Variants in TNIK observed in about 807,000 individuals in gnomAD.
The protein encoded by TNIK is TRAF2 and NCK interacting kinase.
A neutral mutation model predicts 191.3 loss-of-function variants in TNIK; 49 were observed. The observed-to-expected ratio is 0.26, with a 90% CI of 0.20 to 0.32. The LOEUF is 0.32. Ranked by LOEUF, TNIK falls within the 10% of genes least tolerant of loss-of-function variation. TNIK has a pLI of 1.00. For synonymous variants in TNIK, 594 were observed against 600.9 expected (o/e 0.99, Z 0.17); for missense variants, 1,155 against 1,702.3 (o/e 0.68, Z 5.66).
intron 28 of TNIK, among the ~76,000 whole-genome samples, chr3:171,072,981 A>C (rs2108328857): frequency 6.6e-6 from 1 of 152,324 alleles, no homozygotes; most frequent in South Asian, 2.1e-4. Context: ...ATATTGTTAA[A>C]GTGACTATAC....
chr3:171,079,227 G>A (rs1720372910), intron 28 of TNIK, among the ~76,000 whole-genome samples: 1 of 152,116 alleles, frequency 6.6e-6, no homozygotes, highest in South Asian at 2.1e-4. Flanking sequence ...TGGTCCCACT[G>A]TCCTCATAGG....
intron 2 of TNIK, among the ~76,000 whole-genome samples, chr3:171,319,314 G>T (rs1048725240): frequency 1.3e-5 from 2 of 152,136 alleles, no homozygotes; most frequent in Admixed American, 1.3e-4. Context: ...TATAGAAAAT[G>T]TTTATATTGT....
intron 1 of TNIK, among the ~76,000 whole-genome samples, chr3:171,410,437 G>C (rs1480663715): frequency 6.6e-6 from 1 of 152,116 alleles, no homozygotes; most frequent in Non-Finnish European, 1.5e-5. Flanking sequence ...TCAGCTCCTT[G>C]CATGGCAGCT....
At chr3:171,350,595 TAAA>T (rs71178208) in intron 2 of TNIK, among the ~76,000 whole-genome samples, 222 of 97,994 alleles carry the variant, frequency 2.3e-3, no homozygotes, top group East Asian at 8.5e-3. Context: ...GCTCTGTTGC[TAAA>T]AAAAAAAAAA....
At chr3:171,084,351 C>T in intron 25 of TNIK, 26 bp from the exon 26 acceptor site, 4 of 1,601,266 alleles carry the variant, frequency 2.5e-6, no homozygotes, top group Non-Finnish European at 3.4e-6. Context: ...TCAGAGAAGT[C>T]AGTGACATCT....
chr3:171,373,875 G>C (rs1487502058), intron 1 of TNIK, among the ~76,000 whole-genome samples: 1 of 152,126 alleles, frequency 6.6e-6, no homozygotes, highest in Non-Finnish European at 1.5e-5. Context: ...CAGCGTCACT[G>C]CCTCTCTCTC....
chr3:171,167,975 T>C (rs1398305957), intron 9 of TNIK, among the ~76,000 whole-genome samples: 1 of 152,224 alleles, frequency 6.6e-6, no homozygotes, highest in African/African-American at 2.4e-5. Context: ...GACATTTAAC[T>C]TTAAAGAATT....
intron 4 of TNIK, among the ~76,000 whole-genome samples, chr3:171,197,010 C>T (rs1738774992): frequency 6.6e-6 from 1 of 152,216 alleles, no homozygotes; most frequent in Non-Finnish European, 1.5e-5. Context: ...CCGCCTCGGC[C>T]TCCCAAAGTG....
At chr3:171,262,121 G>A (rs1035180924) in intron 2 of TNIK, among the ~76,000 whole-genome samples, 2 of 152,298 alleles carry the variant, frequency 1.3e-5, no homozygotes, top group South Asian at 4.1e-4. Flanking sequence ...TCACAACTGT[G>A]CTGATGAACC....
intron 15 of TNIK, among the ~76,000 whole-genome samples, chr3:171,132,295 TC>T (rs1159052291): frequency 9.2e-5 from 14 of 152,344 alleles, no homozygotes; most frequent in Middle Eastern, 3.4e-3. Context: ...AGTATTTTTT[TC>T]TTATTAAAAA....
chr3:171,347,839 G>A (rs1475878990), intron 2 of TNIK, among the ~76,000 whole-genome samples: 2 of 152,156 alleles, frequency 1.3e-5, no homozygotes, highest in Admixed American at 1.3e-4. Flanking sequence ...GGAGGTAAAA[G>A]CAGCAGTTTT....
chr3:171,215,795 A>G (rs1052417784), intron 3 of TNIK, among the ~76,000 whole-genome samples: 2 of 152,334 alleles, frequency 1.3e-5, no homozygotes, highest in South Asian at 2.1e-4. Flanking sequence ...ATATGCTAGC[A>G]TTTAAAAATG....
intron 2 of TNIK, among the ~76,000 whole-genome samples, chr3:171,329,850 TTTC>T (rs1756217895): frequency 6.6e-6 from 1 of 152,206 alleles, no homozygotes; most frequent in Admixed American, 6.5e-5. Flanking sequence ...ATTCTTTTCT[TTTC>T]TTTATGGCTT....
At chr3:171,275,579 CTT>C (rs1487752364) in intron 2 of TNIK, among the ~76,000 whole-genome samples, 12 of 152,106 alleles carry the variant, frequency 7.9e-5, no homozygotes, top group Non-Finnish European at 1.8e-4. Context: ...AAAATTATGA[CTT>C]GATTTCAGAA....
intron 1 of TNIK, among the ~76,000 whole-genome samples, chr3:171,421,004 T>C (rs1394037637): frequency 1.3e-5 from 2 of 152,196 alleles, no homozygotes; most frequent in Admixed American, 6.5e-5. Context: ...AGATCGTGGT[T>C]GACTGTGAGT....
chr3:171,080,129 G>T lies in TNIK; in HGVS notation c.3314-477C>A, dbSNP rs187093494. On this transcript the variant is annotated intron_variant, in intron 27 of 32. Transcript: ENST00000436636. ...AGAAAATTATACTGGGCAGGTTTAT[G>T]GTGCTGAAGTCACTGAAAGGAATAC... 2.6e-5 allele frequency among the ~76,000 whole-genome samples: 4 copies of T among 152,264 alleles called. No homozygotes were observed. The East Asian group carries it at 7.7e-4, about 29-fold the overall frequency.
At chr3:171,266,019 C>T (rs1560344086) in intron 2 of TNIK, among the ~76,000 whole-genome samples, 1 of 151,818 alleles carries the variant, frequency 6.6e-6, no homozygotes, top group Non-Finnish European at 1.5e-5. Flanking sequence ...CTTCCAAATG[C>T]AATCTAGAAT....
In TNIK at chr3:171,095,334, G is replaced by C. The variant is rs116810266; in HGVS notation, c.2592-1366C>G. Among the ~76,000 whole-genome samples the C allele has an allele frequency of 4.7e-3, 720 of 152,272 alleles. 11 individuals carry two copies. The highest frequency in any genetic ancestry group is 3.4e-3 in the Middle Eastern group (1 of 294). On this transcript the variant is annotated intron_variant, in intron 22 of 32. Coordinates refer to ENST00000436636, the MANE Select transcript of TNIK (RefSeq NM_015028.4). ...GAATTTCTCTGGTTTAGGAGCTCAG[G>C]GGATTTGAGAACCACACACCACAGG...
At chr3:171,152,539 C>T (rs1293798663) in intron 12 of TNIK, among the ~76,000 whole-genome samples, 1 of 152,050 alleles carries the variant, frequency 6.6e-6, no homozygotes, top group Non-Finnish European at 1.5e-5. Flanking sequence ...TGGGAACAAG[C>T]TTTGCTACTG....
Sources: gnomAD v4.1 joint callset for allele counts (sites outside exome capture counted in the v4.1 genomes callset) on GRCh38, gnomAD v4.1.1 for gene constraint, MANE v1.5 for transcripts, NCBI Gene and HGNC (gene_info 2026-07-23, HGNC 2026-07-21) for gene names.